GPC5: variants seen among roughly 807,000 people sequenced by gnomAD.
The protein encoded by GPC5 is glypican 5.
A neutral mutation model predicts 53.9 loss-of-function variants in GPC5; 47 were observed. The observed-to-expected ratio is 0.87, with a 90% CI of 0.69 to 1.11. The LOEUF (loss-of-function observed/expected upper bound fraction) is 1.11. Among genes scored for constraint, GPC5 ranks in the 50% most tolerant of loss-of-function variants. The pLI is 0.00. For missense variants in GPC5, 748 were observed against 713.1 expected (o/e 1.05, Z -0.56); for synonymous variants, 286 against 263.3 (o/e 1.09, Z -0.84).
intron 5 of GPC5, among the ~76,000 whole-genome samples, chr13:91,872,030 T>C (rs1029354307): frequency 1.3e-5 from 2 of 152,006 alleles, no homozygotes; most frequent in African/African-American, 4.8e-5. Context: ...GAAAACACTC[T>C]GAAAATACCA....
intron 7 of GPC5, among the ~76,000 whole-genome samples, chr13:92,155,094 T>C (rs2041934188): frequency 6.6e-6 from 1 of 152,172 alleles, no homozygotes; most frequent in African/African-American, 2.4e-5. Flanking sequence ...CACTATTTGC[T>C]TTTATATCAA....
chr13:92,738,530 T>C (rs956374759), intron 7 of GPC5, among the ~76,000 whole-genome samples: 2 of 152,120 alleles, frequency 1.3e-5, no homozygotes. Flanking sequence ...AATGTTATAG[T>C]TAATGTTGAA....
chr13:91,439,614 A>G (rs959381781), intron 1 of GPC5, among the ~76,000 whole-genome samples: 4 of 151,936 alleles, frequency 2.6e-5, no homozygotes, highest in Admixed American at 1.3e-4. Context: ...TGCAAACCTG[A>G]TGCTTGTGTA....
chr13:92,759,056 G>T (rs1286486234), intron 7 of GPC5, among the ~76,000 whole-genome samples: 2 of 105,328 alleles, frequency 1.9e-5, no homozygotes, highest in African/African-American at 7.5e-5. Flanking sequence ...GACCATGTAT[G>T]TTTGGACTAT....
chr13:91,558,329 T>C (rs1449313497), intron 2 of GPC5, among the ~76,000 whole-genome samples: 2 of 152,070 alleles, frequency 1.3e-5, no homozygotes, highest in African/African-American at 4.8e-5. Context: ...AGATAGGAAG[T>C]GACATTTTAT....
chr13:92,566,785 C>G (rs1882876723), intron 7 of GPC5, among the ~76,000 whole-genome samples: 1 of 151,952 alleles, frequency 6.6e-6, no homozygotes, highest in Non-Finnish European at 1.5e-5. Context: ...AATTCCCAAT[C>G]AGAGAGGCCA....
At chr13:91,434,166 A>G (rs1297428221) in intron 1 of GPC5, among the ~76,000 whole-genome samples, 1 of 152,180 alleles carries the variant, frequency 6.6e-6, no homozygotes, top group Non-Finnish European at 1.5e-5. Context: ...GTTCAGGCTG[A>G]TGGTAGTTTC....
intron 7 of GPC5, among the ~76,000 whole-genome samples, chr13:92,290,744 G>T (rs961011164): frequency 6.6e-6 from 1 of 152,254 alleles, no homozygotes; most frequent in South Asian, 2.1e-4. Flanking sequence ...CACAGCTCTC[G>T]CTCGCTCTCG....
chr13:92,753,904 C>G (rs1874718829), intron 7 of GPC5, among the ~76,000 whole-genome samples: 1 of 152,152 alleles, frequency 6.6e-6, no homozygotes, highest in East Asian at 1.9e-4. Flanking sequence ...GGAAAACACT[C>G]TGCAGGATAT....
intron 7 of GPC5, among the ~76,000 whole-genome samples, chr13:92,373,775 G>A (rs1478799666): frequency 6.6e-6 from 1 of 152,104 alleles, no homozygotes; most frequent in Non-Finnish European, 1.5e-5. Context: ...ATCGTAATCA[G>A]CTCCAGCTAG....
chr13:92,128,775 CA>C (rs2041720346), intron 6 of GPC5, among the ~76,000 whole-genome samples: 1 of 152,058 alleles, frequency 6.6e-6, no homozygotes, highest in Non-Finnish European at 1.5e-5. Context: ...CTATCCTGGC[CA>C]ACATGGTGAA....
intron 6 of GPC5, among the ~76,000 whole-genome samples, chr13:91,958,859 C>A (rs563910811): frequency 2.0e-5 from 3 of 151,968 alleles, no homozygotes; most frequent in Non-Finnish European, 4.4e-5. Context: ...ATACTCAAAT[C>A]TATGGAATAC....
In GPC5 at chr13:92,106,614, C is replaced by T. The variant is rs185968942; in HGVS notation, c.1402-38216C>T. ...TGGAAGAGTTAACAAGGATACAAAG[C>T]GTAAAAGAGAAGAATAAGAGTTCAC... On this transcript the variant is annotated intron_variant, in intron 6 of 7. Transcript: ENST00000377067. 2.4e-4 allele frequency among the ~76,000 whole-genome samples: 37 copies of T among 152,026 alleles called. No individual in the cohort carries two copies. The East Asian group carries it at 5.4e-3, about 22-fold the overall frequency.
intron 6 of GPC5, among the ~76,000 whole-genome samples, chr13:92,058,439 C>G (rs557505662): frequency 1.2e-4 from 19 of 152,328 alleles, no homozygotes; most frequent in Admixed American, 1.1e-3. Flanking sequence ...CATGCACAAC[C>G]TTGCTCACTA....
chr13:92,228,291 C>G (rs2042503757), intron 7 of GPC5, among the ~76,000 whole-genome samples: 1 of 151,580 alleles, frequency 6.6e-6, no homozygotes, highest in Non-Finnish European at 1.5e-5. Context: ...GAAACCAATA[C>G]TTATATAAAA....
chr13:91,470,959 T>A (rs540929471), intron 2 of GPC5, among the ~76,000 whole-genome samples: 1 of 152,298 alleles, frequency 6.6e-6, no homozygotes, highest in Admixed American at 6.5e-5. Flanking sequence ...AACATACTGT[T>A]GAAGTCTGAC....
At chr13:91,919,902 A>T (rs1228213817) in intron 6 of GPC5, among the ~76,000 whole-genome samples, 1 of 151,980 alleles carries the variant, frequency 6.6e-6, no homozygotes, top group Non-Finnish European at 1.5e-5. Flanking sequence ...AAATTAAATG[A>T]CTCTTCTTTG....
chr13:92,092,502 T>C (rs769143122), intron 6 of GPC5, among the ~76,000 whole-genome samples: 15 of 152,172 alleles, frequency 9.9e-5, no homozygotes, highest in Non-Finnish European at 2.1e-4. Flanking sequence ...AAGTAGATAT[T>C]TAAATAAGTG....
intron 2 of GPC5, among the ~76,000 whole-genome samples, chr13:91,679,503 G>A (rs529475228): frequency 9.9e-5 from 15 of 152,270 alleles, no homozygotes; most frequent in South Asian, 6.2e-4. Flanking sequence ...CTGGGGTTCC[G>A]GAAACCTCAG....
Sources: allele counts gnomAD v4.1 joint callset (sites outside exome capture counted in the v4.1 genomes callset), GRCh38; gene constraint gnomAD v4.1.1; transcripts MANE v1.5; gene names NCBI Gene and HGNC (gene_info 2026-07-23, HGNC 2026-07-21).